The following SHCBP1L variants were observed in gnomAD, a reference collection of about 807,000 sequenced individuals.
The protein encoded by SHCBP1L is SHC binding and spindle associated 1 like.
A neutral mutation model predicts 62.5 loss-of-function variants in SHCBP1L; 67 were observed. The ratio of observed to expected loss-of-function variants is 1.07; its 90% CI spans 0.88 to 1.31. SHCBP1L has a LOEUF of 1.31. Among genes scored for constraint, SHCBP1L ranks in the 40% most tolerant of loss-of-function variants. The pLI is 0.00. For synonymous variants in SHCBP1L, 284 were observed against 289.4 expected, an observed-to-expected ratio of 0.98 and a Z score of 0.19; for missense variants, 823 against 809.8, an observed-to-expected ratio of 1.02 and a Z score of -0.20.
chr1:182,934,869 T>G (rs1001965576), intron 5 of SHCBP1L, among the ~76,000 whole-genome samples: 4 of 152,158 alleles, frequency 2.6e-5, no homozygotes, highest in Non-Finnish European at 4.4e-5. Context: ...GTTCACGTTT[T>G]TGGATATAGA....
At chr1:182,913,672 A>G (rs1650262457) in intron 6 of SHCBP1L, among the ~76,000 whole-genome samples, 1 of 152,206 alleles carries the variant, frequency 6.6e-6, no homozygotes, top group Non-Finnish European at 1.5e-5. Context: ...AACAAATATT[A>G]TAATCAAACA....
rs1320990952 is a variant in SHCBP1L, at chr1:182,942,247, T to C, written c.556-1704A>G. The C allele has an allele frequency of 2.2e-6, 3 of 1,358,562 alleles. No homozygotes were observed. In the African/African-American group the frequency reaches 4.3e-5, roughly 19 times the overall value. 84.2% of individuals were successfully genotyped at this position (1,358,562 alleles called of 1,614,324 possible). ...TTCCCTTTGCTCCCCTTTTCCCTTT[T>C]GTTTGCACTTTTTTGTCTGAAGATT... is the stretch of plus-strand genomic sequence containing the variant. On this transcript the variant is annotated intron_variant, in intron 2 of 9. Coordinates refer to ENST00000367547, the MANE Select transcript of SHCBP1L (RefSeq NM_030933.4).
intron 6 of SHCBP1L, among the ~76,000 whole-genome samples, chr1:182,917,222 T>C (rs1467588915): frequency 6.6e-6 from 1 of 151,998 alleles, no homozygotes; most frequent in Non-Finnish European, 1.5e-5. Flanking sequence ...CCTCAATAAA[T>C]CCTAGCAAAC....
chr1:182,906,001 C>G (rs2101920215), intron 6 of SHCBP1L, among the ~76,000 whole-genome samples: 2 of 152,278 alleles, frequency 1.3e-5, no homozygotes, highest in South Asian at 4.1e-4. Flanking sequence ...ATGCTGCGAT[C>G]TCGGCTCACT....
intron 6 of SHCBP1L, among the ~76,000 whole-genome samples, chr1:182,908,008 A>T (rs1243894846): frequency 6.6e-6 from 1 of 152,204 alleles, no homozygotes; most frequent in Non-Finnish European, 1.5e-5. Flanking sequence ...CTTCTAGTAT[A>T]TTTCCCATGC....
intron 6 of SHCBP1L, among the ~76,000 whole-genome samples, chr1:182,909,023 A>G (rs6681606): frequency 0.093 from 14,198 of 152,234 alleles, 964 homozygotes; most frequent in African/African-American, 0.18. Context: ...TAAATCAGCA[A>G]CCTACAAACT....
In SHCBP1L at chr1:182,929,807, G is replaced by A. The variant is rs1006779266; in HGVS notation, c.1077-55C>T. 5.2e-5 allele frequency: 63 copies of A among 1,205,832 alleles called. No homozygotes were observed. In the Admixed American group the frequency reaches 1.4e-3, roughly 27 times the overall value. 74.7% of individuals were successfully genotyped at this position (1,205,832 alleles called of 1,614,324 possible). On this transcript the variant is annotated intron_variant, in intron 5 of 9. Transcript: ENST00000367547. ...AATTAACATGAAAAAGACTGACCTT[G>A]TCCTTACTTGTAAATAAAAACTTGG...
chr1:182,908,936 C>A (rs1650097459), intron 6 of SHCBP1L, among the ~76,000 whole-genome samples: 1 of 152,216 alleles, frequency 6.6e-6, no homozygotes, highest in Non-Finnish European at 1.5e-5. Context: ...CTCCTCACCT[C>A]ATTTTCATTT....
At chr1:182,917,766 G>T (rs1650399787) in intron 6 of SHCBP1L, among the ~76,000 whole-genome samples, 1 of 151,894 alleles carries the variant, frequency 6.6e-6, no homozygotes, top group African/African-American at 2.4e-5. Flanking sequence ...CAACCCTAAT[G>T]GCTTCATTTT....
At chr1:182,948,997 C>T (rs946173501) in intron 2 of SHCBP1L, among the ~76,000 whole-genome samples, 6 of 152,262 alleles carry the variant, frequency 3.9e-5, no homozygotes, top group Non-Finnish European at 7.4e-5. Context: ...ATTTAGAGGA[C>T]ATTACTAGAC....
chr1:182,915,161 C>CAAAAAAAA lies in SHCBP1L; in HGVS notation c.1183-9520_1183-9513dup. Among the ~76,000 whole-genome samples the CAAAAAAAA allele has an allele frequency of 5.3e-4, 17 of 31,892 alleles. 1 individual carries two copies. Among genetic ancestry groups the CAAAAAAAA allele is most frequent in the African/African-American group, 5.5e-4 (7 of 12,622 alleles). 20.9% of individuals were successfully genotyped at this position (31,892 alleles called of 152,430 possible). Reference sequence around the variant, plus strand: ...TGGGCAACAGAGGCAGACTCTGTCTCAAAAAAAAAAAAAAAAAAAAAAAAA... The same window carrying CAAAAAAAA: ...TGGGCAACAGAGGCAGACTCTGTCTCAAAAAAAAAAAAAAAAAAAAAAAAAAAAAAAAA... On this transcript the variant is annotated intron_variant, in intron 6 of 9. Coordinates refer to ENST00000367547, the MANE Select transcript of SHCBP1L (RefSeq NM_030933.4).
In SHCBP1L at chr1:182,951,363, C is replaced by T; in HGVS notation, c.510G>A (p.Val170=). 6.3e-7 allele frequency: 1 copy of T among 1,599,996 alleles called. No individual in the cohort carries two copies. Among genetic ancestry groups the T allele is most frequent in the Non-Finnish European group, 8.5e-7 (1 of 1,174,300 alleles). ...VWKTNPSVFF[V]KYEEASIPFV... ...AAGGGATAGAAGCTTCTTCATATTT[C>T]ACAAAGAATACACTGGGATTAGTCT... is the stretch of plus-strand genomic sequence containing the variant. The change falls in exon 2 of 10, where the codon GTG becomes GTA. Residue 170 remains valine, a synonymous_variant. Transcript: ENST00000367547.
At chr1:182,940,839 T>A (rs962237963) in intron 2 of SHCBP1L, among the ~76,000 whole-genome samples, 1 of 152,108 alleles carries the variant, frequency 6.6e-6, no homozygotes, top group African/African-American at 2.4e-5. Context: ...ACAGTGTGTG[T>A]GTGTGTGACA....
At chr1:182,945,917 G>A (rs1651551971) in intron 2 of SHCBP1L, among the ~76,000 whole-genome samples, 2 of 152,026 alleles carry the variant, frequency 1.3e-5, no homozygotes, top group African/African-American at 4.8e-5. Context: ...AAAATTAGCT[G>A]GGTATGGTGG....
intron 6 of SHCBP1L, among the ~76,000 whole-genome samples, chr1:182,911,358 A>C (rs1650182751): frequency 6.6e-6 from 1 of 152,206 alleles, no homozygotes; most frequent in South Asian, 2.1e-4. Context: ...GTCATAAACA[A>C]CCGAAACAAA....
At chr1:182,909,760 G>A (rs1650123372) in intron 6 of SHCBP1L, among the ~76,000 whole-genome samples, 1 of 152,166 alleles carries the variant, frequency 6.6e-6, no homozygotes, top group South Asian at 2.1e-4. Flanking sequence ...TATACTGAGG[G>A]ACAAATGTAG....
intron 6 of SHCBP1L, among the ~76,000 whole-genome samples, chr1:182,929,144 G>C (rs531466307): frequency 7.1e-4 from 108 of 152,254 alleles, no homozygotes; most frequent in Non-Finnish European, 1.0e-4. Context: ...TCTTGAGCTG[G>C]ATAAATTTAT....
intron 6 of SHCBP1L, among the ~76,000 whole-genome samples, chr1:182,924,963 A>AAAGAAAGG (rs1491266806): frequency 4.4e-5 from 6 of 136,080 alleles, no homozygotes; most frequent in Middle Eastern, 3.6e-3. Flanking sequence ...AGAAAGAAAG[A>AAAGAAAGG]AAGAAAGAAA....
In SHCBP1L at chr1:182,953,138, T is replaced by TC. The variant is rs1367100182; in HGVS notation, c.-6dup. 1 of 1,580,258 alleles carries TC rather than the reference T, an allele frequency of 6.3e-7. No individual in the cohort carries two copies. The highest frequency in any genetic ancestry group is 2.3e-5 in the East Asian group (1 of 43,944). On this transcript the variant is annotated 5_prime_UTR_variant, in exon 1 of 10. Transcript: ENST00000367547. Reference sequence around the variant, plus strand: ...GGCCTTGGAGCCCGACGCCATCTCCTCAGCAGCCCGAGGGCCGAGGCAGCC... The same window carrying TC: ...GGCCTTGGAGCCCGACGCCATCTCCTCCAGCAGCCCGAGGGCCGAGGCAGCC...
Sources: gnomAD v4.1 joint callset for allele counts (sites outside exome capture counted in the v4.1 genomes callset) on GRCh38, gnomAD v4.1.1 for gene constraint, MANE v1.5 for transcripts, NCBI Gene and HGNC (gene_info 2026-07-23, HGNC 2026-07-21) for gene names.